The following LGR6 variants were observed in gnomAD, a reference collection of about 807,000 sequenced individuals.
LGR6 encodes the protein leucine-rich repeat-containing G protein-coupled receptor 6.
A neutral mutation model predicts 69.4 loss-of-function variants in LGR6; 45 were observed. That is an observed-to-expected ratio of 0.65 (90% CI 0.51 to 0.83). LGR6 has a LOEUF of 0.83. Among genes scored for constraint, LGR6 ranks in the 40% least tolerant of loss-of-function variants. The pLI, the probability that LGR6 is intolerant of heterozygous loss-of-function variation, is 0.00. For missense variants in LGR6, 1,108 were observed against 1,246.7 expected (o/e 0.89, Z 1.68); for synonymous variants, 538 against 555.0 (o/e 0.97, Z 0.43).
intron 6 of LGR6, among the ~76,000 whole-genome samples, chr1:202,292,821 A>G (rs1666890109): frequency 6.6e-6 from 1 of 152,238 alleles, no homozygotes; most frequent in African/African-American, 2.4e-5. Flanking sequence ...TGAAACTGAG[A>G]GCCAAATCTT....
At chr1:202,294,870 CAG>C (rs1667037007) in intron 6 of LGR6, among the ~76,000 whole-genome samples, 1 of 152,224 alleles carries the variant, frequency 6.6e-6, no homozygotes, top group South Asian at 2.1e-4. Flanking sequence ...ATAGAGTAGT[CAG>C]AGAAGGGCTC....
At chr1:202,197,642 T>C (rs1056830415) in intron 1 of LGR6, among the ~76,000 whole-genome samples, 27 of 151,454 alleles carry the variant, frequency 1.8e-4, no homozygotes, top group African/African-American at 6.3e-4. Flanking sequence ...AGACCAGTAA[T>C]GTGCTGACTT....
chr1:202,287,680 C>T (rs1333568156), intron 6 of LGR6, among the ~76,000 whole-genome samples: 1 of 152,206 alleles, frequency 6.6e-6, no homozygotes, highest in African/African-American at 2.4e-5. Flanking sequence ...TACTCAGGCC[C>T]AAACCTTGGA....
chr1:202,214,195 A>T, intron 1 of LGR6: 1 of 1,536,710 alleles, frequency 6.5e-7, no homozygotes, highest in Non-Finnish European at 8.7e-7. Context: ...AGGGCGGGAC[A>T]GAACCTCTCC....
intron 1 of LGR6, among the ~76,000 whole-genome samples, chr1:202,205,969 A>ACAC (rs1553238579): frequency 3.4e-5 from 5 of 149,108 alleles, no homozygotes; most frequent in Admixed American, 6.8e-5. Flanking sequence ...ACAGACACAC[A>ACAC]ACACACACAC....
chr1:202,319,155 CAG>C lies in LGR6; in HGVS notation c.2853_2854del (p.Gly953TrpfsTer36), dbSNP rs1654433033. On this transcript the variant is annotated frameshift_variant, in exon 18 of 18. Coordinates refer to ENST00000367278, the MANE Select transcript of LGR6 (RefSeq NM_001017403.2). LOFTEE classifies it high-confidence loss of function. ...TCTACGCCAGCAGGTGGAGGCTTGTCAGGGGGTGGCGGCTTTCAGCCCTCTGG... is the reference window on the plus strand; with the variant it reads ...TCTACGCCAGCAGGTGGAGGCTTGTCGGGGTGGCGGCTTTCAGCCCTCTGG... The C allele has an allele frequency of 1.9e-5, 30 of 1,613,386 alleles. No individual in the cohort carries two copies. The highest frequency in any genetic ancestry group is 1.6e-4 in the Middle Eastern group (1 of 6,064).
chr1:202,313,977 G>A (rs551259356), intron 16 of LGR6, among the ~76,000 whole-genome samples: 144 of 152,284 alleles, frequency 9.5e-4, no homozygotes, highest in Non-Finnish European at 1.8e-3. Flanking sequence ...ATTCATCCCT[G>A]AAATTCTTCT....
At chr1:202,217,496 T>G (rs1340406866) in intron 1 of LGR6, among the ~76,000 whole-genome samples, 1 of 152,156 alleles carries the variant, frequency 6.6e-6, no homozygotes, top group Non-Finnish European at 1.5e-5. Flanking sequence ...TTCTCTCCCC[T>G]GACTTTTAGG....
chr1:202,222,682 G>A (rs1218617291), intron 1 of LGR6, among the ~76,000 whole-genome samples: 1 of 152,194 alleles, frequency 6.6e-6, no homozygotes, highest in Non-Finnish European at 1.5e-5. Context: ...TTCTGCGCTT[G>A]GGTTTCTGTG....
At chr1:202,244,201 C>A (rs1662456586) in intron 4 of LGR6, among the ~76,000 whole-genome samples, 6 of 152,166 alleles carry the variant, frequency 3.9e-5, no homozygotes, top group Admixed American at 3.3e-4. Flanking sequence ...TCGTAATTCG[C>A]CTGCCTTGGC....
chr1:202,248,641 T>C (rs1449868133), intron 4 of LGR6, among the ~76,000 whole-genome samples: 1 of 152,192 alleles, frequency 6.6e-6, no homozygotes, highest in African/African-American at 2.4e-5. Context: ...TTTGGGGGGA[T>C]GTGCTGCCGT....
intron 4 of LGR6, among the ~76,000 whole-genome samples, chr1:202,251,323 G>A (rs1002091634): frequency 6.6e-6 from 1 of 152,200 alleles, no homozygotes; most frequent in Non-Finnish European, 1.5e-5. Flanking sequence ...TTAAAAAAGC[G>A]ATACAGTGTC....
At chr1:202,295,682 C>T (rs1020476178) in intron 6 of LGR6, among the ~76,000 whole-genome samples, 1 of 152,326 alleles carries the variant, frequency 6.6e-6, no homozygotes, top group African/African-American at 2.4e-5. Context: ...ACATCCTGGC[C>T]TCCGCCTGAC....
intron 16 of LGR6, among the ~76,000 whole-genome samples, chr1:202,312,154 G>A (rs1653794123): frequency 1.3e-5 from 2 of 152,206 alleles, no homozygotes; most frequent in African/African-American, 2.4e-5. Context: ...CTAGGGCAGG[G>A]CCCCCCACTT....
At chr1:202,203,630 G>GGA in intron 1 of LGR6, 1 of 608,346 alleles carries the variant, frequency 1.6e-6, no homozygotes, top group Middle Eastern at 4.4e-4. Flanking sequence ...CTGGAGCCTT[G>GGA]GAGAGAGAGA....
intron 16 of LGR6, among the ~76,000 whole-genome samples, chr1:202,311,765 C>A (rs573571546): frequency 6.6e-6 from 1 of 152,352 alleles, no homozygotes; most frequent in South Asian, 2.1e-4. Context: ...ATGCTCATCG[C>A]TACTACTGAG....
chr1:202,289,002 T>C (rs1199173289), intron 6 of LGR6, among the ~76,000 whole-genome samples: 2 of 152,202 alleles, frequency 1.3e-5, no homozygotes, highest in African/African-American at 4.8e-5. Flanking sequence ...GTCTGATGGA[T>C]CCTGTTCTGG....
At chr1:202,301,309 A>G (rs1667577133) in intron 9 of LGR6, 74 bp downstream of exon 9, 9 of 1,286,548 alleles carry the variant, frequency 7.0e-6, no homozygotes, top group South Asian at 2.4e-5. Flanking sequence ...TCTCCTGCCT[A>G]TCGCCTGCGG....
chr1:202,228,803 G>A (rs1660773948), intron 3 of LGR6, among the ~76,000 whole-genome samples: 1 of 152,150 alleles, frequency 6.6e-6, no homozygotes, highest in Non-Finnish European at 1.5e-5. Context: ...CGTTGCCACA[G>A]GGTCTGGTTT....
Sources: gnomAD v4.1 joint callset for allele counts (sites outside exome capture counted in the v4.1 genomes callset) on GRCh38, gnomAD v4.1.1 for gene constraint, MANE v1.5 for transcripts, NCBI Gene and HGNC (gene_info 2026-07-23, HGNC 2026-07-21) for gene names.